PCDHGA4: variants seen among roughly 807,000 people sequenced by gnomAD.
PCDHGA4 encodes the protein protocadherin gamma-A4.
In PCDHGA4, 38 loss-of-function variants were observed where a neutral mutation model predicts 54.6. The observed-to-expected ratio is 0.70, with a 90% CI of 0.54 to 0.91. The LOEUF (loss-of-function observed/expected upper bound fraction) is 0.91, where lower values mean the gene tolerates loss of function less well. PCDHGA4 is among the 40% of genes least tolerant of loss of function. PCDHGA4 has a pLI of 0.00. For missense variants in PCDHGA4, 1,298 were observed against 1,220.9 expected (o/e 1.06, Z -0.94); for synonymous variants, 511 against 512.9 (o/e 1.00, Z 0.05).
chr5:141,451,579 A>G (rs1222576609), intron 1 of PCDHGA4, among the ~76,000 whole-genome samples: 1 of 152,084 alleles, frequency 6.6e-6, no homozygotes, highest in Non-Finnish European at 1.5e-5. Flanking sequence ...TTATAAACCT[A>G]ATTTTGAAAG....
intron 1 of PCDHGA4, chr5:141,375,949 C>A: frequency 6.2e-7 from 1 of 1,613,568 alleles, no homozygotes; most frequent in Non-Finnish European, 8.5e-7. Flanking sequence ...TGGGCCTGCA[C>A]ACGGGCGAGG....
intron 1 of PCDHGA4, chr5:141,385,051 C>T (rs1222079447): frequency 2.5e-6 from 4 of 1,614,036 alleles, no homozygotes; most frequent in Admixed American, 1.7e-5. Flanking sequence ...CAGGCTGCGG[C>T]GCTGGCACAA....
intron 1 of PCDHGA4, chr5:141,395,362 T>A: frequency 1.5e-6 from 2 of 1,294,628 alleles, no homozygotes; most frequent in Non-Finnish European, 1.0e-6. Context: ...AGTTTTGGGT[T>A]TATTTTGGTG....
rs568123995 is a variant in PCDHGA4 at position 141,511,539 on chromosome 5, C to G, written c.*366C>G. The G allele has an allele frequency of 3.0e-5, 10 of 328,342 alleles. No individual in the cohort carries two copies. The highest frequency in any genetic ancestry group is 2.1e-4 in the African/African-American group (10 of 47,452). The allele number at this position is 328,342 out of a possible 1,614,324, so 20.3% of individuals were successfully genotyped here. ...CATCCCATGCCTCCCTCCTCCCCAC[C>G]CCACTCCAACAGTTCCTCTTTCCCG... On this transcript the variant is annotated 3_prime_UTR_variant, in exon 4 of 4. Transcript: ENST00000571252.
chr5:141,377,448 G>A (rs976885039), intron 1 of PCDHGA4: 1 of 151,974 alleles, frequency 6.6e-6, no homozygotes, highest in Non-Finnish European at 1.5e-5. Flanking sequence ...AGAAAAAAAA[G>A]TAGCCAGATG....
At chr5:141,419,652 CG>C (rs767047378) in intron 1 of PCDHGA4, 3 of 1,612,590 alleles carry the variant, frequency 1.9e-6, no homozygotes, top group Non-Finnish European at 1.7e-6. Context: ...GACGCGGACT[CG>C]GGGCACAATG....
intron 1 of PCDHGA4, among the ~76,000 whole-genome samples, chr5:141,478,961 C>T (rs887338339): frequency 6.6e-6 from 1 of 152,206 alleles, no homozygotes; most frequent in Non-Finnish European, 1.5e-5. Context: ...CCTCATTCCT[C>T]CACCTTTCAA....
chr5:141,408,311 A>C (rs1467917610), intron 1 of PCDHGA4: 1 of 1,613,650 alleles, frequency 6.2e-7, no homozygotes, highest in African/African-American at 1.3e-5. Context: ...CCGCTACTCG[A>C]TTCCGGAGGA....
Position 141,356,250 on chromosome 5 carries a change from A to G in PCDHGA4, c.1143A>G (p.Thr381=), listed in dbSNP as rs750081994. 2.1e-5 allele frequency: 33 copies of G among 1,575,134 alleles called. No homozygotes were observed. Among genetic ancestry groups the G allele is most frequent in the Non-Finnish European group, 2.8e-5 (33 of 1,159,564 alleles). The change falls in exon 1 of 4, where the codon ACA becomes ACG. Residue 381 remains threonine (T), a synonymous_variant. Coordinates refer to ENST00000571252, the MANE Select transcript of PCDHGA4 (RefSeq NM_018917.4). ...ENDNAPEVTV[T]SLTSSVQESS... ...ACAACGCACCAGAAGTCACAGTTAC[A>G]TCTCTCACCAGCTCAGTCCAGGAAT...
chr5:141,511,411 A>T lies in PCDHGA4; in HGVS notation c.*238A>T. On this transcript the variant is annotated 3_prime_UTR_variant, in exon 4 of 4. Transcript: ENST00000571252. ...GAACCCCCATCCAATCAACTGCTGTACCCATGGGGGTAGTGGGGTTACTGT... is the reference window on the plus strand; with the variant it reads ...GAACCCCCATCCAATCAACTGCTGTTCCCATGGGGGTAGTGGGGTTACTGT... 1.1e-6 allele frequency: 1 copy of T among 901,334 alleles called. No individual in the cohort carries two copies. Among genetic ancestry groups the T allele is most frequent in the Non-Finnish European group, 1.6e-6 (1 of 617,750 alleles). 55.8% of individuals were successfully genotyped at this position (901,334 alleles called of 1,614,324 possible).
In PCDHGA4 at chr5:141,399,103, C is replaced by G. The variant is rs376000100; in HGVS notation, c.2514+41482C>G. The G allele has an allele frequency of 1.6e-5, 26 of 1,613,722 alleles. No homozygotes were observed. The South Asian group carries it at 2.9e-4, about 18-fold the overall frequency. On this transcript the variant is annotated intron_variant, in intron 1 of 3. Transcript: ENST00000571252. ...GAGGGATGGTGGTGGACTGGTTGCA[C>G]AATGTACAGTTGAAATTAATATTCA... is the stretch of plus-strand genomic sequence containing the variant.
chr5:141,417,884 C>A, intron 1 of PCDHGA4: 2 of 1,561,600 alleles, frequency 1.3e-6, no homozygotes, highest in East Asian at 2.4e-5. Flanking sequence ...CGCGCAGAGG[C>A]GCCGGGCCGG....
In PCDHGA4 at chr5:141,364,970, G is replaced by T. The variant is rs766427343; in HGVS notation, c.2514+7349G>T. 13 of 1,613,796 alleles carry T rather than the reference G, an allele frequency of 8.1e-6. No homozygotes were observed. The East Asian group carries it at 2.9e-4, about 36-fold the overall frequency. On this transcript the variant is annotated intron_variant, in intron 1 of 3. Coordinates refer to ENST00000571252, the MANE Select transcript of PCDHGA4 (RefSeq NM_018917.4). The stretch of plus-strand genomic sequence containing the variant: ...GACTGTTCACGACCTCCTCCTCACA[G>T]CTTTAGATGGCGGAGACCCGGTACT...
In PCDHGA4 at chr5:141,388,268, C is replaced by A; in HGVS notation, c.2514+30647C>A. On this transcript the variant is annotated intron_variant, in intron 1 of 3. Coordinates refer to ENST00000571252, the MANE Select transcript of PCDHGA4 (RefSeq NM_018917.4). ...ATGTGGAGATCGAGGACATTAATGA[C>A]CACACGCCAAAATTCACGCAAAATT... The A allele has an allele frequency of 1.3e-6, 2 of 1,594,084 alleles. No homozygotes were observed. Among genetic ancestry groups the A allele is most frequent in the African/African-American group, 2.9e-5 (2 of 68,850 alleles).
At chr5:141,392,893 G>A (rs1281523592) in intron 1 of PCDHGA4, 10 of 1,613,662 alleles carry the variant, frequency 6.2e-6, no homozygotes, top group African/African-American at 2.7e-5. Flanking sequence ...TGGGAAATCG[G>A]GAGGGGACAG....
At chr5:141,420,108 A>G (rs780657975) in intron 1 of PCDHGA4, 1 of 1,614,030 alleles carries the variant, frequency 6.2e-7, no homozygotes, top group Non-Finnish European at 8.5e-7. Flanking sequence ...ACGTTGCCCT[A>G]TGCCTATAAT....
At position 141,388,927 on chromosome 5, in the gene PCDHGA4, A is replaced by G. The variant is rs772950330; in HGVS notation, c.2514+31306A>G. 7 of 1,614,064 alleles carry G rather than the reference A, an allele frequency of 4.3e-6. No individual in the cohort carries two copies. Among genetic ancestry groups the G allele is most frequent in the Non-Finnish European group, 5.1e-6 (6 of 1,179,890 alleles). Reference sequence around the variant, plus strand: ...GACAACGCCCCAGAAGTGATATTCCAGTCTCTACCCAACCTAATTATGGAG... The same window carrying G: ...GACAACGCCCCAGAAGTGATATTCCGGTCTCTACCCAACCTAATTATGGAG... On this transcript the variant is annotated intron_variant, in intron 1 of 3. Coordinates refer to ENST00000571252, the MANE Select transcript of PCDHGA4 (RefSeq NM_018917.4).
chr5:141,387,793 A>T, intron 1 of PCDHGA4: 1 of 1,495,928 alleles, frequency 6.7e-7, no homozygotes, highest in Non-Finnish European at 8.9e-7. Flanking sequence ...CTGCAACTAA[A>T]GTCCGTTCGG....
At position 141,387,650 on chromosome 5, in the gene PCDHGA4, G is replaced by C. The variant is rs116225244; in HGVS notation, c.2514+30029G>C. 2,320 of 639,876 alleles carry C rather than the reference G, an allele frequency of 3.6e-3. 38 individuals are homozygous for C. The highest frequency in any genetic ancestry group is 0.034 in the African/African-American group (1,854 of 54,556). 39.6% of individuals were successfully genotyped at this position (639,876 alleles called of 1,614,324 possible). A position where few individuals can be genotyped will look rare whatever the true frequency, so the allele number is the denominator to read the frequency against. Reference sequence around the variant, plus strand: ...CTGGGCGCCGCTGTTGGCCAAAGTGGAGAGCTTGGCGCTCCAGATCTCCTC... The same window carrying C: ...CTGGGCGCCGCTGTTGGCCAAAGTGCAGAGCTTGGCGCTCCAGATCTCCTC... On this transcript the variant is annotated intron_variant, in intron 1 of 3. Coordinates refer to ENST00000571252, the MANE Select transcript of PCDHGA4 (RefSeq NM_018917.4).
Sources: allele counts gnomAD v4.1 joint callset (sites outside exome capture counted in the v4.1 genomes callset), GRCh38; gene constraint gnomAD v4.1.1; transcripts MANE v1.5; gene names NCBI Gene and HGNC (gene_info 2026-07-23, HGNC 2026-07-21).